Variants in CHID1 observed in about 807,000 individuals in gnomAD.
CHID1 encodes chitinase domain containing 1, also known as chitinase domain-containing protein 1.
In CHID1, 44 loss-of-function variants were observed where a neutral mutation model predicts 55.4. That is an observed-to-expected ratio of 0.79 (90% CI 0.62 to 1.02). The LOEUF (loss-of-function observed/expected upper bound fraction) is 1.02, where lower values mean the gene tolerates loss of function less well. CHID1 is among the 50% of genes least tolerant of loss of function. The pLI is 0.00. For missense variants in CHID1, 491 were observed against 515.3 expected, an observed-to-expected ratio of 0.95 and a Z score of 0.46; for synonymous variants, 216 against 212.9, an observed-to-expected ratio of 1.01 and a Z score of -0.13.
intron 3 of CHID1, among the ~76,000 whole-genome samples, chr11:902,625 G>C (rs1169449121): frequency 6.6e-6 from 1 of 151,992 alleles, no homozygotes; most frequent in African/African-American, 2.4e-5. Flanking sequence ...GGAACAGCAA[G>C]AGAAGAGGAG....
At chr11:881,775 G>A (rs1264391933) in intron 10 of CHID1, among the ~76,000 whole-genome samples, 1 of 152,090 alleles carries the variant, frequency 6.6e-6, no homozygotes, top group Non-Finnish European at 1.5e-5. Flanking sequence ...GCTGAGGCAG[G>A]AGGATCGCTT....
chr11:869,720 C>A lies in CHID1; in HGVS notation c.*138G>T, dbSNP rs1317680817. The A allele has an allele frequency of 1.4e-6, 1 of 739,380 alleles. No homozygotes were observed. Among genetic ancestry groups the A allele is most frequent in the Non-Finnish European group, 2.3e-6 (1 of 430,200 alleles). 45.8% of individuals were successfully genotyped at this position (739,380 alleles called of 1,614,324 possible). A position where few individuals can be genotyped will look rare whatever the true frequency, so the allele number is the denominator to read the frequency against. Reference sequence around the variant, plus strand: ...CCCCTCATGGGAGGATGGGGAGTCACATGGTGCCCAGGACCCCCGACTGAG... The same window carrying A: ...CCCCTCATGGGAGGATGGGGAGTCAAATGGTGCCCAGGACCCCCGACTGAG... On this transcript the variant is annotated 3_prime_UTR_variant, in exon 13 of 13. Coordinates refer to ENST00000323578, the MANE Select transcript of CHID1 (RefSeq NM_023947.4).
At chr11:892,752 G>C (rs1392324174) in intron 8 of CHID1, among the ~76,000 whole-genome samples, 1 of 152,254 alleles carries the variant, frequency 6.6e-6, no homozygotes, top group Admixed American at 6.5e-5. Flanking sequence ...GCCCTGGAAA[G>C]CTTGGAGAGA....
intron 1 of CHID1, chr11:910,530 T>G: frequency 7.9e-6 from 6 of 763,062 alleles, no homozygotes; most frequent in Non-Finnish European, 8.0e-6. Context: ...CCGTCCACAC[T>G]CGCCCTCCAC....
chr11:887,243 G>T (rs971850654), intron 8 of CHID1, among the ~76,000 whole-genome samples: 6 of 152,058 alleles, frequency 3.9e-5, no homozygotes, highest in Non-Finnish European at 7.4e-5. Flanking sequence ...GCCCAGGCTG[G>T]TCTCAAACTC....
At position 886,729 on chromosome 11, in the gene CHID1, C is replaced by T. The variant is rs372290501; in HGVS notation, c.702-2560G>A. On this transcript the variant is annotated intron_variant, in intron 8 of 12. Transcript: ENST00000323578. Reference sequence around the variant, plus strand: ...GGCTTCGGGCTTGCCAGCGCCTCTCCGAGTCGGTCCCAGGTGGCACCTTGG... The same window carrying T: ...GGCTTCGGGCTTGCCAGCGCCTCTCTGAGTCGGTCCCAGGTGGCACCTTGG... Among the ~76,000 whole-genome samples, 39 of 152,332 alleles carry T rather than the reference C, an allele frequency of 2.6e-4. 1 individual carries two copies. Among genetic ancestry groups the T allele is most frequent in the East Asian group, 2.5e-3 (13 of 5,178 alleles).
intron 4 of CHID1, 190 bp downstream of exon 4, chr11:902,008 T>C (rs145787290): frequency 7.8e-6 from 5 of 637,474 alleles, no homozygotes; most frequent in Non-Finnish European, 1.4e-5. Flanking sequence ...TCACAATCTC[T>C]TCTCTCCCAC....
At chr11:880,344 A>C (rs1849821189) in intron 10 of CHID1, among the ~76,000 whole-genome samples, 2 of 152,340 alleles carry the variant, frequency 1.3e-5, no homozygotes, top group African/African-American at 4.8e-5. Flanking sequence ...CAGCAGGGTC[A>C]GGCCCTGCTC....
At chr11:885,136 G>A (rs1432226563) in intron 8 of CHID1, among the ~76,000 whole-genome samples, 1 of 152,232 alleles carries the variant, frequency 6.6e-6, no homozygotes, top group African/African-American at 2.4e-5. Flanking sequence ...GTCCCTGTGA[G>A]GCAGTGGGCC....
intron 7 of CHID1, among the ~76,000 whole-genome samples, chr11:898,445 G>A (rs886142099): frequency 9.8e-5 from 15 of 152,348 alleles, no homozygotes; most frequent in South Asian, 2.1e-4. Flanking sequence ...CCAGGCACCC[G>A]CGGTGGAGAC....
At chr11:892,329 A>G (rs1012193267) in intron 8 of CHID1, among the ~76,000 whole-genome samples, 24 of 152,324 alleles carry the variant, frequency 1.6e-4, no homozygotes, top group African/African-American at 5.8e-4. Flanking sequence ...GGGAGGGGCC[A>G]GGGCACACAG....
rs115126422 is a variant in CHID1 at position 887,420 on chromosome 11, G to A, written c.702-3251C>T. 2.1e-3 allele frequency among the ~76,000 whole-genome samples: 321 copies of A among 152,234 alleles called. 2 individuals are homozygous for A. Among genetic ancestry groups the A allele is most frequent in the African/African-American group, 7.5e-3 (310 of 41,532 alleles). ...CTTGGTCAGTGGTGTGGGCAGCATC[G>A]TCCACCTGGCGAGAGGCTGGTCTTC... On this transcript the variant is annotated intron_variant, in intron 8 of 12. Transcript: ENST00000323578.
upstream of CHID1, among the ~76,000 whole-genome samples, chr11:912,780 C>T (rs1269778628): frequency 6.6e-6 from 1 of 150,502 alleles, no homozygotes; most frequent in South Asian, 2.1e-4. Context: ...GGAGGCGGAG[C>T]TTGCAGTGAG....
upstream of CHID1, among the ~76,000 whole-genome samples, chr11:913,475 C>T (rs886627124): frequency 6.6e-6 from 1 of 151,832 alleles, no homozygotes; most frequent in African/African-American, 2.4e-5. Context: ...GCAGAAGCCC[C>T]TTTAAAGTGA....
In CHID1 at chr11:884,688, G is replaced by A. The variant is rs554645532; in HGVS notation, c.702-519C>T. On this transcript the variant is annotated intron_variant, in intron 8 of 12. Coordinates refer to ENST00000323578, the MANE Select transcript of CHID1 (RefSeq NM_023947.4). ...CCTCACTGGACCTCAGCAGGTAGAC[G>A]GGAAGGACAAGTGCTTGGCTCCCAG... 4.2e-3 allele frequency among the ~76,000 whole-genome samples: 644 copies of A among 152,316 alleles called. 1 individual carries two copies. Among genetic ancestry groups the A allele is most frequent in the Admixed American group, 6.3e-3 (97 of 15,312 alleles).
Position 872,903 on chromosome 11 carries a change from A to T in CHID1, c.960-2404T>A, listed in dbSNP as rs574148326. ...CTCAAAATCTGCTGCCTCCAGGAGG[A>T]GGTGAGGCTGGGGGTGGCCAGGACC... On this transcript the variant is annotated intron_variant, in intron 10 of 12. Transcript: ENST00000323578. Among the ~76,000 whole-genome samples the T allele has an allele frequency of 1.6e-4, 24 of 152,002 alleles. No homozygotes were observed. In the East Asian group the frequency reaches 3.1e-3, roughly 20 times the overall value.
At chr11:887,195 CTT>C (rs1281900861) in intron 8 of CHID1, among the ~76,000 whole-genome samples, 1 of 152,096 alleles carries the variant, frequency 6.6e-6, no homozygotes, top group Admixed American at 6.5e-5. Flanking sequence ...GTCCAGCTAA[CTT>C]TTAAATTTTT....
At chr11:910,918 G>C (rs1740008007), upstream of CHID1, 3 of 811,932 alleles carry the variant, frequency 3.7e-6, no homozygotes, top group Admixed American at 1.9e-4. Context: ...ACAGGGGACT[G>C]GGCAGGGCTG....
Position 875,991 on chromosome 11 carries a change from G to T in CHID1, c.960-5492C>A, listed in dbSNP as rs1849488937. Among the ~76,000 whole-genome samples, 2 of 152,140 alleles carry T rather than the reference G, an allele frequency of 1.3e-5. No individual in the cohort carries two copies. Among genetic ancestry groups the T allele is most frequent in the South Asian group, 4.1e-4 (2 of 4,828 alleles). Reference sequence around the variant, plus strand: ...TGCTTGGCGGTGCACGTGGTGTGTGGGGGCATGTGAGGCTGGGGGCTGTCT... The same window carrying T: ...TGCTTGGCGGTGCACGTGGTGTGTGTGGGCATGTGAGGCTGGGGGCTGTCT... On this transcript the variant is annotated intron_variant, in intron 10 of 12. Transcript: ENST00000323578. This position sits in a 1 kb window ranked among gnomAD's most constrained non-coding sequence, Gnocchi z 4.7.
Sources: gnomAD v4.1 joint callset for allele counts (sites outside exome capture counted in the v4.1 genomes callset) on GRCh38, gnomAD v4.1.1 for gene constraint, Gnocchi (gnomAD v3.1) non-coding constraint, MANE v1.5 for transcripts, NCBI Gene and HGNC (gene_info 2026-07-23, HGNC 2026-07-21) for gene names.